The following RP1 variants were observed in gnomAD, a reference collection of about 807,000 sequenced individuals.
RP1 encodes the protein oxygen-regulated protein 1.
RP1 carries 16 observed loss-of-function variants against 14.8 expected under a neutral mutation model. That is an observed-to-expected ratio of 1.08 (90% CI 0.73 to 1.65). The LOEUF is 1.65. Among genes scored for constraint, RP1 ranks in the 40% most tolerant of loss-of-function variants. The pLI is 0.00. For synonymous variants in RP1, 876 were observed against 883.6 expected (o/e 0.99, Z 0.15); for missense variants, 2,631 against 2,535.0 (o/e 1.04, Z -0.81).
At chr8:54,677,552 C>T (rs868801217) in intron 8 of RP1, among the ~76,000 whole-genome samples, 1 of 151,920 alleles carries the variant, frequency 6.6e-6, no homozygotes, top group South Asian at 2.1e-4. Context: ...CATACAAGAC[C>T]CCATCTCTAC....
intron 24 of RP1, among the ~76,000 whole-genome samples, chr8:54,784,294 T>C (rs934192813): frequency 6.6e-6 from 1 of 152,172 alleles, no homozygotes; most frequent in Non-Finnish European, 1.5e-5. Context: ...TAATCCTCAA[T>C]GTAGTATCTG....
chr8:54,605,502 G>A (rs1016408944), intron 1 of RP1, among the ~76,000 whole-genome samples: 1 of 152,018 alleles, frequency 6.6e-6, no homozygotes, highest in African/African-American at 2.4e-5. Context: ...GTGCTGAAAA[G>A]AATGTATATT....
intron 24 of RP1, among the ~76,000 whole-genome samples, chr8:54,813,719 C>A (rs141611987): frequency 6.6e-6 from 1 of 152,320 alleles, no homozygotes; most frequent in African/African-American, 2.4e-5. Context: ...TGGATAAGCA[C>A]AGGCTGTGTC....
chr8:54,845,970 A>G (rs899032937), intron 25 of RP1, among the ~76,000 whole-genome samples: 2 of 152,236 alleles, frequency 1.3e-5, no homozygotes, highest in African/African-American at 4.8e-5. Flanking sequence ...ACTCAATTCC[A>G]TTCAACAGAT....
rs1808161015 is a variant in RP1, at chr8:54,706,767, G to T, written c.2211+112G>T. On this transcript the variant is annotated intron_variant, in intron 15 of 22. Coordinates refer to the RP1 transcript ENST00000636932. ...TGGAAATTGAATGTTACATGTGGTG[G>T]TCTCCCTTGACTGGTATTTTTAATA... 8.5e-6 allele frequency: 9 copies of T among 1,052,762 alleles called. No individual in the cohort carries two copies. The South Asian group carries it at 1.3e-4, about 16-fold the overall frequency. 65.2% of individuals were successfully genotyped at this position (1,052,762 alleles called of 1,614,324 possible). A position where few individuals can be genotyped will look rare whatever the true frequency, so the allele number is the denominator to read the frequency against.
intron 24 of RP1, among the ~76,000 whole-genome samples, chr8:54,829,254 T>C (rs1811463116): frequency 6.6e-6 from 1 of 152,218 alleles, no homozygotes; most frequent in Non-Finnish European, 1.5e-5. Context: ...GCTTGAAATG[T>C]AAACCTTCAT....
At chr8:54,855,477 T>A (rs1268633434) in intron 26 of RP1, among the ~76,000 whole-genome samples, 1 of 152,040 alleles carries the variant, frequency 6.6e-6, no homozygotes, top group Non-Finnish European at 1.5e-5. Flanking sequence ...TCAGAAAGCA[T>A]AAAGGGGAAA....
chr8:54,866,589 T>C (rs1434518850), intron 28 of RP1, among the ~76,000 whole-genome samples: 1 of 152,208 alleles, frequency 6.6e-6, no homozygotes, highest in Non-Finnish European at 1.5e-5. Context: ...AGAAATTATG[T>C]AGTTAAGTTC....
At chr8:54,580,963 A>G (rs1804777088) in intron 1 of RP1, among the ~76,000 whole-genome samples, 1 of 152,144 alleles carries the variant, frequency 6.6e-6, no homozygotes, top group Non-Finnish European at 1.5e-5. Context: ...AATATTGGAA[A>G]CAATGAAATC....
chr8:54,600,430 T>C (rs879598057), intron 1 of RP1, among the ~76,000 whole-genome samples: 3 of 152,220 alleles, frequency 2.0e-5, no homozygotes, highest in Admixed American at 2.0e-4. Context: ...TCATTTACCC[T>C]GCAGAGTGGC....
intron 1 of RP1, among the ~76,000 whole-genome samples, chr8:54,584,874 T>A (rs1233554730): frequency 6.6e-6 from 1 of 152,192 alleles, no homozygotes; most frequent in East Asian, 1.9e-4. Context: ...TCCATCCCTT[T>A]ATTTTGAGCC....
chr8:54,596,578 T>C (rs1805153287), intron 1 of RP1, among the ~76,000 whole-genome samples: 1 of 152,176 alleles, frequency 6.6e-6, no homozygotes, highest in African/African-American at 2.4e-5. Flanking sequence ...ACCCAACTCT[T>C]GATTTAACAT....
intron 19 of RP1, among the ~76,000 whole-genome samples, chr8:54,746,509 A>G (rs552554153): frequency 3.1e-4 from 47 of 152,332 alleles, no homozygotes; most frequent in African/African-American, 1.1e-3. Context: ...TACTGATTTC[A>G]GGCAATGGGT....
chr8:54,801,095 A>C (rs1810693816), intron 24 of RP1, among the ~76,000 whole-genome samples: 1 of 152,210 alleles, frequency 6.6e-6, no homozygotes, highest in Admixed American at 6.5e-5. Flanking sequence ...GGTTACCTTC[A>C]GTGTAACTTC....
At chr8:54,673,079 C>T (rs41444144) in intron 7 of RP1, among the ~76,000 whole-genome samples, 45,514 of 151,924 alleles carry the variant, frequency 0.3, 8,326 homozygotes, top group Middle Eastern at 0.48. Flanking sequence ...AGTGCACTTA[C>T]GTAGAGACAA....
intron 23 of RP1, among the ~76,000 whole-genome samples, chr8:54,776,971 G>T (rs1020594325): frequency 6.6e-6 from 1 of 152,202 alleles, no homozygotes; most frequent in Non-Finnish European, 1.5e-5. Context: ...CAGTGCTGCT[G>T]CTCAGCGGCT....
chr8:54,726,275 A>G, intron 16 of RP1: 1 of 1,449,540 alleles, frequency 6.9e-7, no homozygotes, highest in African/African-American at 1.4e-5. Context: ...ATAGCTGAAC[A>G]TATGATGAGT....
intron 24 of RP1, among the ~76,000 whole-genome samples, chr8:54,817,527 C>T: frequency 6.6e-6 from 1 of 152,152 alleles, no homozygotes. Flanking sequence ...GGGAATGAAA[C>T]TGAATGGGTG....
chr8:54,726,999 C>T (rs898083221), intron 17 of RP1, among the ~76,000 whole-genome samples: 1 of 151,846 alleles, frequency 6.6e-6, no homozygotes, highest in Non-Finnish European at 1.5e-5. Context: ...CTGACAAATT[C>T]CGTGTATCAG....
Sources: allele counts gnomAD v4.1 joint callset (sites outside exome capture counted in the v4.1 genomes callset), GRCh38; gene constraint gnomAD v4.1.1; transcripts MANE v1.5; gene names NCBI Gene and HGNC (gene_info 2026-07-23, HGNC 2026-07-21).